PCDHGA4: variants seen among roughly 807,000 people sequenced by gnomAD.
The protein encoded by PCDHGA4 is protocadherin gamma subfamily A, 4, also known as protocadherin gamma-A4.
In PCDHGA4, 38 loss-of-function variants were observed where a neutral mutation model predicts 54.6. The ratio of observed to expected loss-of-function variants is 0.70; its 90% CI spans 0.54 to 0.91. The LOEUF is 0.91. Ranked by LOEUF, PCDHGA4 falls within the 40% of genes least tolerant of loss-of-function variation. PCDHGA4 has a pLI of 0.00. For missense variants in PCDHGA4, 1,298 were observed against 1,220.9 expected, an observed-to-expected ratio of 1.06 and a Z score of -0.94; for synonymous variants, 511 against 512.9, an observed-to-expected ratio of 1.00 and a Z score of 0.05.
rs776219135 is a variant in PCDHGA4, at chr5:141,403,980, A to G, written c.2514+46359A>G. ...ATTTCGGTGGAAGATGTAAATGACA[A>G]TAGACCTGAAGTGACCATTACATCT... On this transcript the variant is annotated intron_variant, in intron 1 of 3. Coordinates refer to ENST00000571252, the MANE Select transcript of PCDHGA4 (RefSeq NM_018917.4). The G allele has an allele frequency of 5.0e-6, 8 of 1,613,890 alleles. No homozygotes were observed. In the South Asian group the frequency reaches 8.8e-5, roughly 18 times the overall value.
chr5:141,484,958 G>C (rs2099604320), intron 1 of PCDHGA4: 1 of 575,756 alleles, frequency 1.7e-6, no homozygotes, highest in Non-Finnish European at 3.1e-6. Flanking sequence ...TATTGGCTGA[G>C]CCCGGGAGCC....
In PCDHGA4 at chr5:141,357,311, T is replaced by C. The variant is rs749963588; in HGVS notation, c.2204T>C (p.Phe735Ser). 100 of 1,613,940 alleles carry C rather than the reference T, an allele frequency of 6.2e-5. No individual in the cohort carries two copies. The Middle Eastern group carries it at 2.1e-3, about 34-fold the overall frequency. ...VVAVAAVSCVFLAFVTVLLAL... is the reference protein window; with the variant it reads ...VVAVAAVSCVSLAFVTVLLAL... ...GCAGTGGCCGCTGTCTCCTGCGTCT[T>C]CCTGGCTTTTGTCACGGTGCTGCTA... The change falls in exon 1 of 4, where the codon TTC (phenylalanine) becomes TCC (serine). Residue 735 changes from phenylalanine (F) to serine (S), a missense_variant. Physicochemically the swap from Phe to Ser is radical, Grantham distance 155. Coordinates refer to ENST00000571252, the MANE Select transcript of PCDHGA4 (RefSeq NM_018917.4).
At chr5:141,448,058 C>G (rs2098560499) in intron 1 of PCDHGA4, among the ~76,000 whole-genome samples, 2 of 151,936 alleles carry the variant, frequency 1.3e-5, no homozygotes, top group Non-Finnish European at 2.9e-5. Flanking sequence ...TGCTCTCCAG[C>G]CTGGGCAACA....
chr5:141,409,102 G>T, intron 1 of PCDHGA4: 2 of 1,613,996 alleles, frequency 1.2e-6, no homozygotes, highest in Non-Finnish European at 8.5e-7. Flanking sequence ...AAACAGGTAT[G>T]ATTAAGAATA....
intron 1 of PCDHGA4, chr5:141,361,923 A>G (rs1762237619): frequency 6.2e-7 from 1 of 1,607,688 alleles, no homozygotes; most frequent in African/African-American, 1.3e-5. Context: ...CGGTGGACGC[A>G]GACTCAGGAC....
chr5:141,397,975 G>T, intron 1 of PCDHGA4: 4 of 1,189,018 alleles, frequency 3.4e-6, no homozygotes, highest in Non-Finnish European at 4.6e-6. Flanking sequence ...CCCCAGCGCC[G>T]GCCTTTACAC....
chr5:141,366,207 T>G, intron 1 of PCDHGA4: 1 of 1,613,790 alleles, frequency 6.2e-7, no homozygotes, highest in Non-Finnish European at 8.5e-7. Context: ...ACGGGCGAGG[T>G]GCGCACAGCG....
intron 1 of PCDHGA4, chr5:141,360,173 G>T: frequency 6.2e-7 from 1 of 1,609,062 alleles, no homozygotes; most frequent in East Asian, 2.2e-5. Context: ...CTGGTGCGGT[G>T]GCTGCAGGTA....
In PCDHGA4 at chr5:141,432,172, C is replaced by G. The variant is rs562175068; in HGVS notation, c.2515-62635C>G. On this transcript the variant is annotated intron_variant, in intron 1 of 3. Transcript: ENST00000571252. This position sits in a 1 kb window ranked among gnomAD's most constrained non-coding sequence, Gnocchi z 6.0. ...AGAACAATCCCAGAGGAGTTTCCCTCGTCTCTGTGACCGCCCACGACCCCG... is the reference window on the plus strand; with the variant it reads ...AGAACAATCCCAGAGGAGTTTCCCTGGTCTCTGTGACCGCCCACGACCCCG... 9 of 1,614,034 alleles carry G rather than the reference C, an allele frequency of 5.6e-6. No homozygotes were observed. The highest frequency in any genetic ancestry group is 7.6e-6 in the Non-Finnish European group (9 of 1,180,046).
intron 1 of PCDHGA4, chr5:141,394,262 G>A: frequency 6.2e-7 from 1 of 1,613,952 alleles, no homozygotes; most frequent in Non-Finnish European, 8.5e-7. Flanking sequence ...ACAGCCAGGA[G>A]AATGCCCAGG....
chr5:141,375,346 T>C, intron 1 of PCDHGA4: 1 of 1,613,870 alleles, frequency 6.2e-7, no homozygotes. Flanking sequence ...ACAACATCAC[T>C]GTGACAGCCA....
At chr5:141,433,207 TC>T (rs780557883) in intron 1 of PCDHGA4, 10 of 1,568,868 alleles carry the variant, frequency 6.4e-6, no homozygotes, top group African/African-American at 1.4e-5. Flanking sequence ...AAATCTTCTT[TC>T]TTTTTTTTTT....
intron 1 of PCDHGA4, among the ~76,000 whole-genome samples, chr5:141,454,628 A>C (rs1008375225): frequency 1.3e-4 from 19 of 151,334 alleles, no homozygotes; most frequent in African/African-American, 4.4e-4. Context: ...CTGGTCTCGA[A>C]CCCCCAACCT....
At chr5:141,392,921 A>T in intron 1 of PCDHGA4, 2 of 1,613,940 alleles carry the variant, frequency 1.2e-6, no homozygotes, top group Non-Finnish European at 1.7e-6. Flanking sequence ...ACTCTGTGCC[A>T]GAAGAGACGG....
chr5:141,467,923 T>C lies in PCDHGA4; in HGVS notation c.2515-26884T>C, dbSNP rs190816380. Among the ~76,000 whole-genome samples the C allele has an allele frequency of 3.9e-3, 588 of 151,590 alleles. 5 individuals carry two copies. Among genetic ancestry groups the C allele is most frequent in the Admixed American group, 0.011 (168 of 15,214 alleles). ...ATCCGCCCACCTCAGCCTCCCAAAA[T>C]GCTAGGATTACAAGCATGAGCCACC... On this transcript the variant is annotated intron_variant, in intron 1 of 3. Coordinates refer to ENST00000571252, the MANE Select transcript of PCDHGA4 (RefSeq NM_018917.4).
chr5:141,467,284 C>T (rs2099140788), intron 1 of PCDHGA4, among the ~76,000 whole-genome samples: 1 of 152,080 alleles, frequency 6.6e-6, no homozygotes, highest in Non-Finnish European at 1.5e-5. Context: ...AACTCTTGAC[C>T]TCAAGTGATC....
chr5:141,390,002 T>A (rs1263938438), intron 1 of PCDHGA4: 1 of 1,614,038 alleles, frequency 6.2e-7, no homozygotes, highest in East Asian at 2.2e-5. Context: ...TGGCCATGAT[T>A]CTGGCCATTG....
At chr5:141,393,917 C>A in intron 1 of PCDHGA4, 1 of 1,613,924 alleles carries the variant, frequency 6.2e-7, no homozygotes, top group Non-Finnish European at 8.5e-7. Flanking sequence ...TAATTGCCTT[C>A]TTGAGTGTGC....
intron 1 of PCDHGA4, chr5:141,383,294 G>C: frequency 6.2e-7 from 1 of 1,613,938 alleles, no homozygotes; most frequent in Non-Finnish European, 8.5e-7. Flanking sequence ...AACGTTCCAA[G>C]ATTCTTGACG....
Sources: gnomAD v4.1 joint callset for allele counts (sites outside exome capture counted in the v4.1 genomes callset) on GRCh38, gnomAD v4.1.1 for gene constraint, Gnocchi (gnomAD v3.1) non-coding constraint, MANE v1.5 for transcripts, NCBI Gene and HGNC (gene_info 2026-07-23, HGNC 2026-07-21) for gene names.